Variants in PABPC4L observed in about 807,000 individuals in gnomAD.
PABPC4L encodes poly(A) binding protein cytoplasmic 4 like.
For synonymous variants in PABPC4L, 169 were observed against 164.1 expected, an observed-to-expected ratio of 1.03 and a Z score of -0.23; for missense variants, 452 against 451.4, an observed-to-expected ratio of 1.00 and a Z score of -0.01.
the PABPC4L span, among the ~76,000 whole-genome samples, chr4:134,142,275 C>T: frequency 2.0e-4 from 30 of 151,472 alleles, no homozygotes; most frequent in Non-Finnish European, 7.4e-5. Flanking sequence ...TCAAAACAGA[C>T]CTTTGGTTAG....
the PABPC4L span, among the ~76,000 whole-genome samples, chr4:134,015,533 G>C: frequency 6.6e-6 from 1 of 152,112 alleles, no homozygotes; most frequent in Non-Finnish European, 1.5e-5. Context: ...ACTGCTGCAA[G>C]GCTTCACAGA....
chr4:134,015,361 T>A, the PABPC4L span, among the ~76,000 whole-genome samples: 3 of 152,102 alleles, frequency 2.0e-5, no homozygotes, highest in Non-Finnish European at 4.4e-5. Context: ...CAAACCCATA[T>A]ACTCTCCTAT....
At chr4:134,003,730 T>C in the PABPC4L span, among the ~76,000 whole-genome samples, 2 of 151,826 alleles carry the variant, frequency 1.3e-5, no homozygotes, top group African/African-American at 4.8e-5. Flanking sequence ...TCAATGACAA[T>C]AGAACAGATG....
chr4:134,195,231 T>C (rs868624736), downstream of PABPC4L, among the ~76,000 whole-genome samples: 3 of 151,712 alleles, frequency 2.0e-5, no homozygotes, highest in African/African-American at 7.2e-5. Context: ...TTAACAAAGA[T>C]TTGCTGGAAC....
chr4:134,136,837 G>T, the PABPC4L span, among the ~76,000 whole-genome samples: 4,073 of 151,960 alleles, frequency 0.027, 194 homozygotes, highest in African/African-American at 0.091. Context: ...ACTGAAATTT[G>T]CTCTGACTAT....
chr4:133,980,353 C>G, the PABPC4L span, among the ~76,000 whole-genome samples: 827 of 152,170 alleles, frequency 5.4e-3, 6 homozygotes, highest in African/African-American at 0.019. Context: ...TGGCTTCAAC[C>G]TGAATAACAA....
At chr4:134,073,777 C>T in the PABPC4L span, among the ~76,000 whole-genome samples, 768 of 152,302 alleles carry the variant, frequency 5.0e-3, 5 homozygotes, top group African/African-American at 0.017. Flanking sequence ...TAACACAACA[C>T]GTAGGCTGCC....
chr4:134,043,591 T>C, the PABPC4L span, among the ~76,000 whole-genome samples: 5 of 152,190 alleles, frequency 3.3e-5, no homozygotes, highest in African/African-American at 1.2e-4. Context: ...GAGAAGCAGG[T>C]ACCAAAGTTA....
chr4:134,161,964 A>C, the PABPC4L span, among the ~76,000 whole-genome samples: 1 of 152,040 alleles, frequency 6.6e-6, no homozygotes, highest in East Asian at 1.9e-4. Context: ...TTGTGTGTTT[A>C]TTTCTTTTCT....
At chr4:134,056,789 T>A in the PABPC4L span, among the ~76,000 whole-genome samples, 3 of 152,030 alleles carry the variant, frequency 2.0e-5, no homozygotes, top group East Asian at 5.8e-4. Flanking sequence ...TTTGGTAGAT[T>A]CCTTGATGTT....
At chr4:134,155,437 G>C in the PABPC4L span, among the ~76,000 whole-genome samples, 7 of 75,342 alleles carry the variant, frequency 9.3e-5, no homozygotes, top group African/African-American at 2.6e-4. Context: ...CACACACACA[G>C]AGTCATGTAC....
chr4:134,162,377 A>G, the PABPC4L span, among the ~76,000 whole-genome samples: 1 of 152,098 alleles, frequency 6.6e-6, no homozygotes, highest in Non-Finnish European at 1.5e-5. Flanking sequence ...AATTAATACT[A>G]GACCTAAGAA....
the PABPC4L span, among the ~76,000 whole-genome samples, chr4:134,106,528 T>A: frequency 6.6e-6 from 1 of 151,576 alleles, no homozygotes; most frequent in African/African-American, 2.4e-5. Flanking sequence ...AATGATATAA[T>A]CATTTGCTTC....
chr4:134,103,054 C>T, the PABPC4L span, among the ~76,000 whole-genome samples: 1 of 151,528 alleles, frequency 6.6e-6, no homozygotes. Context: ...CCATGTTTGA[C>T]ATTCCTCTAA....
chr4:134,186,602 T>C, the PABPC4L span, among the ~76,000 whole-genome samples: 3 of 152,142 alleles, frequency 2.0e-5, no homozygotes, highest in South Asian at 2.1e-4. Context: ...GAAGAAAACC[T>C]ATGAAATACC....
the PABPC4L span, among the ~76,000 whole-genome samples, chr4:133,962,870 A>C: frequency 8.9e-4 from 136 of 152,348 alleles, 2 homozygotes; most frequent in Admixed American, 2.1e-3. Flanking sequence ...ATCTTGAAAC[A>C]AATCCTGGAA....
the PABPC4L span, among the ~76,000 whole-genome samples, chr4:134,109,417 GA>G: frequency 6.6e-6 from 1 of 151,236 alleles, no homozygotes; most frequent in Non-Finnish European, 1.5e-5. Flanking sequence ...AATTGTGGAA[GA>G]AAAAAATGAG....
chr4:133,961,977 C>G, the PABPC4L span, among the ~76,000 whole-genome samples: 1 of 152,136 alleles, frequency 6.6e-6, no homozygotes, highest in African/African-American at 2.4e-5. Flanking sequence ...GGTCACAGAA[C>G]AAGGGGCTTG....
At chr4:134,083,561 C>T in the PABPC4L span, among the ~76,000 whole-genome samples, 5 of 152,112 alleles carry the variant, frequency 3.3e-5, no homozygotes, top group Admixed American at 6.6e-5. Context: ...CTGTCTCTAG[C>T]CACATACCTG....
Sources: allele counts gnomAD v4.1 joint callset (sites outside exome capture counted in the v4.1 genomes callset), GRCh38; gene constraint gnomAD v4.1.1; transcripts MANE v1.5; gene names NCBI Gene and HGNC (gene_info 2026-07-23, HGNC 2026-07-21).